The following CFAP20DC variants were observed in gnomAD, a reference collection of about 807,000 sequenced individuals.
The protein encoded by CFAP20DC is CFAP20 domain containing.
Under a neutral mutation model 101.7 loss-of-function variants are expected in CFAP20DC, and 84 were observed. The observed-to-expected ratio is 0.83, with a 90% CI of 0.69 to 0.99. The LOEUF is 0.99. CFAP20DC is among the 50% of genes least tolerant of loss of function. The pLI, the probability that CFAP20DC is intolerant of heterozygous loss-of-function variation, is 0.00. For missense variants in CFAP20DC, 1,007 were observed against 970.3 expected, an observed-to-expected ratio of 1.04 and a Z score of -0.50; for synonymous variants, 359 against 351.2, an observed-to-expected ratio of 1.02 and a Z score of -0.25.
chr3:58,768,167 C>T (rs111541438), intron 15 of CFAP20DC, among the ~76,000 whole-genome samples: 2,136 of 152,148 alleles, frequency 0.014, 41 homozygotes, highest in African/African-American at 0.048. Flanking sequence ...CTAATAAGGG[C>T]CAGCTGCTGT....
chr3:58,742,526 C>T lies in CFAP20DC; in HGVS notation c.2379G>A (p.Leu793=), dbSNP rs2067931715. 6.2e-7 allele frequency: 1 copy of T among 1,609,638 alleles called. No homozygotes were observed. Among genetic ancestry groups the T allele is most frequent in the South Asian group, 1.1e-5 (1 of 89,994 alleles). ...AACAGTTCAGACAAGGGTCATACAA[C>T]AAAGTCAGTACTTCCTCGTCCTCTT... ...SVEEDEEVLT[L]LYDPCLNCYF... The change falls in exon 17 of 17, where the codon TTG becomes TTA. Residue 793 remains leucine (L), a synonymous_variant. Coordinates refer to ENST00000482387, the MANE Select transcript of CFAP20DC (RefSeq NM_001394063.1).
chr3:58,907,491 C>T (rs369230165), intron 6 of CFAP20DC, among the ~76,000 whole-genome samples: 2 of 152,222 alleles, frequency 1.3e-5, no homozygotes, highest in Admixed American at 1.3e-4. Flanking sequence ...CATCTGCACA[C>T]TGCATTATCA....
intron 6 of CFAP20DC, among the ~76,000 whole-genome samples, chr3:58,896,682 C>G (rs539127024): frequency 2.0e-5 from 3 of 152,188 alleles, no homozygotes; most frequent in Admixed American, 2.0e-4. Context: ...TTTCCAAGTA[C>G]TTGTGTAGTT....
chr3:58,854,118 A>T (rs2078527363), intron 12 of CFAP20DC, among the ~76,000 whole-genome samples: 1 of 152,208 alleles, frequency 6.6e-6, no homozygotes, highest in East Asian at 1.9e-4. Flanking sequence ...CCTTAAGCTG[A>T]TGAACAACTT....
At chr3:58,739,848 A>G (rs1470133338), downstream of CFAP20DC, among the ~76,000 whole-genome samples, 2 of 152,322 alleles carry the variant, frequency 1.3e-5, no homozygotes, top group East Asian at 3.9e-4. Flanking sequence ...AAGCACATCT[A>G]TTTTTGTTTT....
intron 4 of CFAP20DC, among the ~76,000 whole-genome samples, chr3:58,978,859 A>G (rs1432030904): frequency 6.6e-6 from 1 of 152,150 alleles, no homozygotes; most frequent in East Asian, 1.9e-4. Flanking sequence ...TCACTAGAGA[A>G]GCACTCCTCT....
chr3:58,960,439 C>G (rs1444363836), intron 4 of CFAP20DC, among the ~76,000 whole-genome samples: 2 of 151,074 alleles, frequency 1.3e-5, no homozygotes, highest in Non-Finnish European at 2.9e-5. Context: ...TTGCAGTGAG[C>G]CGAGATCACA....
intron 14 of CFAP20DC, among the ~76,000 whole-genome samples, chr3:58,817,223 C>T (rs1018512968): frequency 1.3e-5 from 2 of 152,090 alleles, no homozygotes; most frequent in South Asian, 2.1e-4. Flanking sequence ...AACTCTAAAA[C>T]GCAGAGCGCC....
chr3:59,032,720 C>T (rs1323892304), intron 4 of CFAP20DC, among the ~76,000 whole-genome samples: 1 of 152,164 alleles, frequency 6.6e-6, no homozygotes, highest in Non-Finnish European at 1.5e-5. Flanking sequence ...AGATAAAACC[C>T]CCATCTTCCT....
chr3:58,940,816 G>T (rs758773079), intron 4 of CFAP20DC, among the ~76,000 whole-genome samples: 1 of 152,174 alleles, frequency 6.6e-6, no homozygotes, highest in African/African-American at 2.4e-5. Flanking sequence ...AAAAAGAAGT[G>T]TTGAGAGTTT....
chr3:58,977,212 TTTC>T (rs953084685), intron 4 of CFAP20DC, among the ~76,000 whole-genome samples: 5 of 152,208 alleles, frequency 3.3e-5, no homozygotes, highest in South Asian at 2.1e-4. Flanking sequence ...ATTACTGTAG[TTTC>T]TTCTTCTGTT....
chr3:59,001,548 A>T lies in CFAP20DC; in HGVS notation c.278+38009T>A, dbSNP rs1434162470. On this transcript the variant is annotated intron_variant, in intron 4 of 16. Transcript: ENST00000482387. The surrounding 1 kb of genome is among the most constrained non-coding windows in gnomAD (Gnocchi z 4.5). ...TGCCTCAGCCTCCCGAATAGCTGGGATTATAGGCATGCGCCACCACGCCCA... is the reference window on the plus strand; with the variant it reads ...TGCCTCAGCCTCCCGAATAGCTGGGTTTATAGGCATGCGCCACCACGCCCA... 6.6e-6 allele frequency among the ~76,000 whole-genome samples: 1 copy of T among 152,152 alleles called. No homozygotes were observed. Among genetic ancestry groups the T allele is most frequent in the Non-Finnish European group, 1.5e-5 (1 of 68,016 alleles).
chr3:58,992,701 G>T, intron 4 of CFAP20DC: 1 of 254,990 alleles, frequency 3.9e-6, no homozygotes, highest in Non-Finnish European at 6.2e-6. Flanking sequence ...TTTTAATGAA[G>T]ACATTATATA....
chr3:58,886,913 G>A (rs1194320993), intron 6 of CFAP20DC, among the ~76,000 whole-genome samples: 4 of 151,982 alleles, frequency 2.6e-5, no homozygotes, highest in Non-Finnish European at 5.9e-5. Context: ...GTGTATATAT[G>A]TGACTGTATG....
chr3:59,036,879 C>CTA (rs2094113587), intron 4 of CFAP20DC, among the ~76,000 whole-genome samples: 1 of 152,164 alleles, frequency 6.6e-6, no homozygotes, highest in East Asian at 1.9e-4. Flanking sequence ...TGACTTCTAC[C>CTA]TATACCACAA....
At chr3:58,940,892 T>G (rs1341089763) in intron 4 of CFAP20DC, among the ~76,000 whole-genome samples, 1 of 152,250 alleles carries the variant, frequency 6.6e-6, no homozygotes, top group Non-Finnish European at 1.5e-5. Context: ...TCTACTCACA[T>G]GATATGTATC....
intron 4 of CFAP20DC, among the ~76,000 whole-genome samples, chr3:58,952,860 C>T (rs1317534365): frequency 1.3e-5 from 2 of 151,950 alleles, no homozygotes; most frequent in African/African-American, 2.4e-5. Context: ...TGAAGCCCTA[C>T]CAGAGTTACA....
intron 15 of CFAP20DC, among the ~76,000 whole-genome samples, chr3:58,804,150 C>G (rs1052162432): frequency 6.6e-6 from 1 of 152,170 alleles, no homozygotes; most frequent in Non-Finnish European, 1.5e-5. Context: ...GAATTGGCCT[C>G]AGAGAGCATG....
chr3:58,765,770 C>T (rs2070252924), intron 15 of CFAP20DC, among the ~76,000 whole-genome samples: 1 of 152,142 alleles, frequency 6.6e-6, no homozygotes, highest in Non-Finnish European at 1.5e-5. Flanking sequence ...TCTATCCATA[C>T]TTAATGATAT....
Sources: allele counts gnomAD v4.1 joint callset (sites outside exome capture counted in the v4.1 genomes callset), GRCh38; gene constraint gnomAD v4.1.1; non-coding constraint Gnocchi (gnomAD v3.1); transcripts MANE v1.5; gene names NCBI Gene and HGNC (gene_info 2026-07-23, HGNC 2026-07-21).